The following KNTC1 variants were observed in gnomAD, a reference collection of about 807,000 sequenced individuals.
The protein encoded by KNTC1 is kinetochore-associated protein 1.
A neutral mutation model predicts 314.4 loss-of-function variants in KNTC1; 253 were observed. The ratio of observed to expected loss-of-function variants is 0.80; its 90% confidence interval spans 0.73 to 0.89. KNTC1 has a LOEUF of 0.89. KNTC1 is among the 40% of genes least tolerant of loss of function. KNTC1 has a pLI of 0.00. For missense variants in KNTC1, 2,475 were observed against 2,572.9 expected (o/e 0.96, Z 0.82); for synonymous variants, 901 against 901.4 (o/e 1.00, Z 0.01).
intron 3 of KNTC1, among the ~76,000 whole-genome samples, chr12:122,535,661 C>A (rs1228178192): frequency 6.6e-6 from 1 of 150,556 alleles, no homozygotes; most frequent in Non-Finnish European, 1.5e-5. Context: ...ACAACAACAA[C>A]AAAAATTAGC....
In KNTC1 at chr12:122,546,618, G is replaced by C. The variant is rs1462740516; in HGVS notation, c.764-4G>C. ...CCTGAGACATCTTATTTTCTCTTTT[G>C]TAGGTGCAAAGAAGTTCCAGCTGAT... is the stretch of plus-strand genomic sequence containing the variant. On this transcript the variant is annotated splice_polypyrimidine_tract_variant and splice_region_variant and intron_variant, in intron 9 of 63. Coordinates refer to ENST00000333479, the MANE Select transcript of KNTC1 (RefSeq NM_014708.6). 1.9e-6 allele frequency: 3 copies of C among 1,562,422 alleles called. No homozygotes were observed. In the South Asian group the frequency reaches 3.5e-5, roughly 18 times the overall value.
At chr12:122,593,196 C>A in intron 42 of KNTC1, 1 of 183,242 alleles carries the variant, frequency 5.5e-6, no homozygotes, top group South Asian at 1.6e-4. Context: ...TCAGTGAGAC[C>A]AAGAACCCAC....
chr12:122,622,484 A>G lies in KNTC1; in HGVS notation c.6392A>G (p.Asn2131Ser), dbSNP rs757777671. 1.9e-6 allele frequency: 3 copies of G among 1,580,756 alleles called. No individual in the cohort carries two copies. The highest frequency in any genetic ancestry group is 2.6e-6 in the Non-Finnish European group (3 of 1,160,622). Residue 2131 changes from asparagine to serine, a missense_variant, in exon 62 of 64, where the codon AAT becomes AGT. Asn to Ser is a conservative substitution (Grantham distance 46). Coordinates refer to ENST00000333479, the MANE Select transcript of KNTC1 (RefSeq NM_014708.6). ...SHQIRSLILN[N>S]IINKKEFGIL... is the part of the protein sequence containing the mutation. ...TAGATTAGAAGTCTGATTTTGAATAATATCATCAATAAGAAGGAGTTTGGG... is the reference window on the plus strand; with the variant it reads ...TAGATTAGAAGTCTGATTTTGAATAGTATCATCAATAAGAAGGAGTTTGGG...
At chr12:122,575,946 C>T in intron 29 of KNTC1, 47 bp downstream of exon 29, 1 of 1,541,730 alleles carries the variant, frequency 6.5e-7, no homozygotes. Flanking sequence ...ATTTCTGGGG[C>T]AATATGGAAA....
chr12:122,613,603 T>C (rs760564143), intron 54 of KNTC1, 23 bp from the exon 55 acceptor site: 1 of 1,578,900 alleles, frequency 6.3e-7, no homozygotes, highest in Non-Finnish European at 8.6e-7. Flanking sequence ...AGAATGATTC[T>C]TAGAAACGTT....
Position 122,620,583 on chromosome 12 carries a change from C to T in KNTC1, c.6254C>T (p.Ser2085Leu). ...ALACLMLMPHSEKRHQQIKNF... is the reference protein window; with the variant it reads ...ALACLMLMPHLEKRHQQIKNF... ...GCTTGTCTGATGCTCATGCCCCACT[C>T]AGAGAAAAGACACCAGCAAATTAAG... is the stretch of plus-strand genomic sequence containing the variant. Residue 2085 changes from serine (S) to leucine (L), a missense_variant, in exon 60 of 64, where the codon TCA becomes TTA. Coordinates refer to ENST00000333479, the MANE Select transcript of KNTC1 (RefSeq NM_014708.6). 1 of 1,613,656 alleles carries T rather than the reference C, an allele frequency of 6.2e-7. No individual in the cohort carries two copies. Among genetic ancestry groups the T allele is most frequent in the Non-Finnish European group, 8.5e-7 (1 of 1,179,702 alleles).
At chr12:122,564,957 G>C (rs1964213755) in intron 20 of KNTC1, among the ~76,000 whole-genome samples, 1 of 152,088 alleles carries the variant, frequency 6.6e-6, no homozygotes, top group Non-Finnish European at 1.5e-5. Context: ...TCAATTTCTG[G>C]AGGTGCAGTT....
chr12:122,562,388 A>G (rs1964028449), intron 19 of KNTC1, among the ~76,000 whole-genome samples: 2 of 151,616 alleles, frequency 1.3e-5, no homozygotes, highest in African/African-American at 4.9e-5. Context: ...ATTAATGTGT[A>G]TGTGCCTTTA....
rs377021886 is a variant in KNTC1 at position 122,530,055 on chromosome 12, C to A, written c.-9C>A. On this transcript the variant is annotated 5_prime_UTR_variant, in exon 2 of 64. Coordinates refer to ENST00000333479, the MANE Select transcript of KNTC1 (RefSeq NM_014708.6). ...GTGGTTCCTGACTCAGGAAGACAGT[C>A]TCAGAAACATGTGGAATGATATTGA... The A allele has an allele frequency of 1.1e-5, 17 of 1,612,306 alleles. No homozygotes were observed. Among genetic ancestry groups the A allele is most frequent in the Admixed American group, 1.0e-4 (6 of 59,834 alleles).
chr12:122,536,529 T>C lies in KNTC1; in HGVS notation c.250+1745T>C, dbSNP rs531564266. 4.6e-5 allele frequency among the ~76,000 whole-genome samples: 7 copies of C among 150,874 alleles called. No individual in the cohort carries two copies. In the East Asian group the frequency reaches 1.4e-3, roughly 30 times the overall value. ...GAGCCACCGTGCCAGGCCTTTTTTT[T>C]TTTTTTCCCTGAGACAGTCTCGCTC... On this transcript the variant is annotated intron_variant, in intron 3 of 63. Coordinates refer to ENST00000333479, the MANE Select transcript of KNTC1 (RefSeq NM_014708.6).
intron 23 of KNTC1, 22 bp from the exon 24 acceptor site, chr12:122,571,003 C>T (rs772614632): frequency 1.3e-5 from 21 of 1,605,984 alleles, no homozygotes; most frequent in African/African-American, 1.3e-5. Flanking sequence ...TTGTTTTGAA[C>T]TGTCTGTAAT....
intron 53 of KNTC1, 167 bp downstream of exon 53, chr12:122,611,067 T>C: frequency 1.6e-6 from 1 of 617,950 alleles, no homozygotes; most frequent in Non-Finnish European, 2.9e-6. Flanking sequence ...TCTTGCACCA[T>C]GCTCCATTTA....
intron 33 of KNTC1, 128 bp downstream of exon 33, chr12:122,580,798 G>A (rs1297477863): frequency 1.9e-6 from 1 of 522,816 alleles, no homozygotes; most frequent in African/African-American, 2.0e-5. Flanking sequence ...GGAGGCCAAG[G>A]TGAGTGGATC....
intron 44 of KNTC1, 113 bp from the exon 45 acceptor site, chr12:122,601,423 A>G (rs1025184474): frequency 4.2e-5 from 40 of 954,216 alleles, no homozygotes; most frequent in Non-Finnish European, 5.2e-5. Flanking sequence ...TAATTTAACA[A>G]TGTAGTGCAG....
intron 40 of KNTC1, among the ~76,000 whole-genome samples, chr12:122,589,243 A>G (rs916879860): frequency 6.6e-6 from 1 of 151,862 alleles, no homozygotes; most frequent in African/African-American, 2.4e-5. Flanking sequence ...TATTTATTTT[A>G]CAGATTAAAG....
chr12:122,545,724 G>A (rs1962708603), intron 8 of KNTC1, among the ~76,000 whole-genome samples: 1 of 152,064 alleles, frequency 6.6e-6, no homozygotes, highest in Non-Finnish European at 1.5e-5. Flanking sequence ...GGCTGAGGTG[G>A]GAGGATTGCT....
intron 3 of KNTC1, among the ~76,000 whole-genome samples, chr12:122,535,158 A>G (rs941146347): frequency 2.6e-5 from 4 of 152,202 alleles, no homozygotes; most frequent in African/African-American, 4.8e-5. Flanking sequence ...CTCTCTAAAA[A>G]TCCTTTAACA....
intron 45 of KNTC1, 49 bp from the exon 46 acceptor site, chr12:122,602,520 T>G: frequency 8.7e-7 from 1 of 1,151,288 alleles, no homozygotes; most frequent in Middle Eastern, 2.0e-4. Context: ...TTATGACAGT[T>G]TAGGATTGGG....
Position 122,618,364 on chromosome 12 carries a change from T to C in KNTC1, c.6052T>C (p.Trp2018Arg). 5 of 1,613,816 alleles carry C rather than the reference T, an allele frequency of 3.1e-6. No homozygotes were observed. The highest frequency in any genetic ancestry group is 1.1e-5 in the South Asian group (1 of 91,054). ...LWQVPYFSKA[W>R]QRVIQIPLLS... is the part of the protein sequence containing the mutation. ...ACAGGTTCCCTACTTCAGCAAAGCG[T>C]GGCAGCGTGTGATACAGATACCACT... Residue 2018 changes from tryptophan (W) to arginine (R), a missense_variant, in exon 58 of 64, where the codon TGG becomes CGG. Physicochemically the swap from Trp to Arg is moderately radical, Grantham distance 101. Coordinates refer to ENST00000333479, the MANE Select transcript of KNTC1 (RefSeq NM_014708.6).
Sources: gnomAD v4.1 joint callset for allele counts (sites outside exome capture counted in the v4.1 genomes callset) on GRCh38, gnomAD v4.1.1 for gene constraint, MANE v1.5 for transcripts, NCBI Gene and HGNC (gene_info 2026-07-23, HGNC 2026-07-21) for gene names.